TNFRSF11B: variants seen among roughly 807,000 people sequenced by gnomAD.
TNFRSF11B encodes the protein tumor necrosis factor receptor superfamily member 11B.
In TNFRSF11B, 16 loss-of-function variants were observed where a neutral mutation model predicts 43.4. The observed-to-expected ratio is 0.37, with a 90% CI of 0.25 to 0.56. The LOEUF is 0.56. TNFRSF11B is among the 20% of genes least tolerant of loss of function. TNFRSF11B has a pLI of 0.80. For synonymous variants in TNFRSF11B, 185 were observed against 181.8 expected, an observed-to-expected ratio of 1.02 and a Z score of -0.14; for missense variants, 444 against 490.1, an observed-to-expected ratio of 0.91 and a Z score of 0.89.
rs151008182 is a variant in TNFRSF11B, at chr8:118,924,398, T to C, written c.1182A>G (p.Gln394=). ...LFLEMIGNQV[Q]SVKISCL ...GTTATAAGCAGCTTATTTTTACTGATTGGACCTGGTTACCTATCATTTCTA... is the reference window on the plus strand; with the variant it reads ...GTTATAAGCAGCTTATTTTTACTGACTGGACCTGGTTACCTATCATTTCTA... The change falls in exon 5 of 5, where the codon CAA becomes CAG. Residue 394 remains glutamine, a synonymous_variant. Coordinates refer to ENST00000297350, the MANE Select transcript of TNFRSF11B (RefSeq NM_002546.4). The C allele has an allele frequency of 8.1e-6, 13 of 1,614,054 alleles. No individual in the cohort carries two copies. In the African/African-American group the frequency reaches 1.7e-4, roughly 22 times the overall value.
chr8:118,932,800 A>T, intron 2 of TNFRSF11B, 131 bp downstream of exon 2: 2 of 1,161,572 alleles, frequency 1.7e-6, no homozygotes, highest in Non-Finnish European at 2.5e-6. Flanking sequence ...CATAGTACCT[A>T]CCTGGCAGGT....
At chr8:118,943,671 G>A (rs760539297) in intron 1 of TNFRSF11B, among the ~76,000 whole-genome samples, 268 of 152,248 alleles carry the variant, frequency 1.8e-3, no homozygotes, top group Admixed American at 2.9e-3. Context: ...AATATGGTAT[G>A]TAAGGTCCAA....
intron 1 of TNFRSF11B, among the ~76,000 whole-genome samples, chr8:118,937,257 T>C (rs1487152609): frequency 6.6e-6 from 1 of 152,228 alleles, no homozygotes; most frequent in Non-Finnish European, 1.5e-5. Flanking sequence ...GTCTTATCCT[T>C]TGGTTTCATA....
At chr8:118,949,554 G>C (rs1812610861) in intron 1 of TNFRSF11B, among the ~76,000 whole-genome samples, 1 of 152,218 alleles carries the variant, frequency 6.6e-6, no homozygotes, top group Admixed American at 6.5e-5. Context: ...TCTCAGGTAA[G>C]TGGTGGTACT....
At chr8:118,934,206 T>C (rs1812370600) in intron 1 of TNFRSF11B, among the ~76,000 whole-genome samples, 1 of 152,194 alleles carries the variant, frequency 6.6e-6, no homozygotes, top group South Asian at 2.1e-4. Flanking sequence ...CTATTACTCA[T>C]TCATGCAACA....
chr8:118,934,760 T>C (rs1178701245), intron 1 of TNFRSF11B, among the ~76,000 whole-genome samples: 5 of 152,130 alleles, frequency 3.3e-5, no homozygotes, highest in Admixed American at 6.5e-5. Flanking sequence ...AACCAAACAA[T>C]AATTTTTTCC....
Position 118,924,325 on chromosome 8 carries a change from C to T in TNFRSF11B, c.*49G>A. The T allele has an allele frequency of 6.2e-7, 1 of 1,607,478 alleles. No homozygotes were observed. The highest frequency in any genetic ancestry group is 8.5e-7 in the Non-Finnish European group (1 of 1,175,756). ...AGTGCCTGAGAAACAGTTTACTCATCCATGGGATCTCGCCAATTGTGAGGA... is the reference window on the plus strand; with the variant it reads ...AGTGCCTGAGAAACAGTTTACTCATTCATGGGATCTCGCCAATTGTGAGGA... On this transcript the variant is annotated 3_prime_UTR_variant, in exon 5 of 5. Transcript: ENST00000297350.
At chr8:118,937,978 T>C (rs1441109656) in intron 1 of TNFRSF11B, among the ~76,000 whole-genome samples, 1 of 152,196 alleles carries the variant, frequency 6.6e-6, no homozygotes, top group African/African-American at 2.4e-5. Context: ...TATAAGTATA[T>C]AATTTTTATT....
chr8:118,939,823 A>G (rs1812455290), intron 1 of TNFRSF11B, among the ~76,000 whole-genome samples: 1 of 152,222 alleles, frequency 6.6e-6, no homozygotes, highest in Admixed American at 6.5e-5. Context: ...GAGAGACTGG[A>G]GTGACATTAC....
intron 1 of TNFRSF11B, among the ~76,000 whole-genome samples, chr8:118,946,450 CAT>C (rs1350026762): frequency 1.3e-5 from 2 of 152,136 alleles, no homozygotes; most frequent in African/African-American, 4.8e-5. Context: ...AAACTAATTA[CAT>C]GTCACATAAA....
chr8:118,940,069 C>T (rs2129910674), intron 1 of TNFRSF11B, among the ~76,000 whole-genome samples: 1 of 152,284 alleles, frequency 6.6e-6, no homozygotes, highest in Non-Finnish European at 1.5e-5. Flanking sequence ...TCTCAGCAAA[C>T]TATCACAAGG....
At chr8:118,934,968 A>T (rs1812381900) in intron 1 of TNFRSF11B, among the ~76,000 whole-genome samples, 1 of 152,224 alleles carries the variant, frequency 6.6e-6, no homozygotes, top group Non-Finnish European at 1.5e-5. Flanking sequence ...GTTTGGGCTG[A>T]TTTGACCTAA....
intron 1 of TNFRSF11B, among the ~76,000 whole-genome samples, chr8:118,943,685 C>T (rs1223826444): frequency 3.9e-5 from 6 of 152,096 alleles, no homozygotes; most frequent in Non-Finnish European, 2.9e-5. Context: ...GGTCCAAATA[C>T]AGTACCTATT....
At chr8:118,930,240 A>G (rs947097926) in intron 2 of TNFRSF11B, among the ~76,000 whole-genome samples, 4 of 152,226 alleles carry the variant, frequency 2.6e-5, no homozygotes, top group Non-Finnish European at 1.5e-5. Flanking sequence ...TAAATGGGAT[A>G]CAACTCTATA....
At chr8:118,929,864 T>C (rs1020347913) in intron 2 of TNFRSF11B, among the ~76,000 whole-genome samples, 1 of 152,238 alleles carries the variant, frequency 6.6e-6, no homozygotes, top group Non-Finnish European at 1.5e-5. Flanking sequence ...CAATTCTGGC[T>C]TATGCAAGAT....
chr8:118,926,295 G>A (rs552444318), intron 4 of TNFRSF11B, among the ~76,000 whole-genome samples, 199 bp downstream of exon 4: 2 of 152,264 alleles, frequency 1.3e-5, no homozygotes, highest in East Asian at 1.9e-4. Context: ...TGGGGAGCAG[G>A]GGTGAGAACA....
At chr8:118,940,033 A>G (rs993186663) in intron 1 of TNFRSF11B, among the ~76,000 whole-genome samples, 2 of 152,214 alleles carry the variant, frequency 1.3e-5, no homozygotes, top group African/African-American at 4.8e-5. Context: ...CTTTGCAGGG[A>G]CATGGATGAA....
intron 1 of TNFRSF11B, among the ~76,000 whole-genome samples, chr8:118,935,380 G>C (rs1181136487): frequency 6.6e-6 from 1 of 152,124 alleles, no homozygotes; most frequent in Non-Finnish European, 1.5e-5. Flanking sequence ...TTAGCATGTG[G>C]CATACATAAA....
At chr8:118,950,673 T>A (rs1435329299) in intron 1 of TNFRSF11B, among the ~76,000 whole-genome samples, 1 of 152,212 alleles carries the variant, frequency 6.6e-6, no homozygotes, top group African/African-American at 2.4e-5. Context: ...CCATAGTATC[T>A]CTAGCGATGA....
Sources: allele counts gnomAD v4.1 joint callset (sites outside exome capture counted in the v4.1 genomes callset), GRCh38; gene constraint gnomAD v4.1.1; transcripts MANE v1.5; gene names NCBI Gene and HGNC (gene_info 2026-07-23, HGNC 2026-07-21).